Variants in SNX24 observed in about 807,000 individuals in gnomAD.
SNX24 encodes sorting nexin-24.
Under a neutral mutation model 28.7 loss-of-function variants are expected in SNX24, and 22 were observed. That is an observed-to-expected ratio of 0.77 (90% CI 0.55 to 1.10). The LOEUF (loss-of-function observed/expected upper bound fraction) is 1.10, where lower values mean the gene tolerates loss of function less well. Ranked by LOEUF, SNX24 falls within the 50% of genes least tolerant of loss-of-function variation. The pLI, the probability that SNX24 is intolerant of heterozygous loss-of-function variation, is 0.00. For missense variants in SNX24, 221 were observed against 201.1 expected, an observed-to-expected ratio of 1.10 and a Z score of -0.60; for synonymous variants, 69 against 71.5, an observed-to-expected ratio of 0.96 and a Z score of 0.18.
intron 1 of SNX24, among the ~76,000 whole-genome samples, chr5:122,895,522 C>T (rs1437679368): frequency 6.6e-6 from 1 of 152,112 alleles, no homozygotes; most frequent in African/African-American, 2.4e-5. Context: ...AGCAGAGGCA[C>T]ATCGGCACTG....
intron 1 of SNX24, among the ~76,000 whole-genome samples, chr5:122,897,604 A>G (rs1757258919): frequency 6.6e-6 from 1 of 152,212 alleles, no homozygotes; most frequent in Non-Finnish European, 1.5e-5. Flanking sequence ...TTGTGACAAT[A>G]CAAGAATATT....
At position 122,968,120 on chromosome 5, in the gene SNX24, G is replaced by A. The variant is rs1369677134; in HGVS notation, c.249+21961G>A. Among the ~76,000 whole-genome samples the A allele has an allele frequency of 5.9e-5, 9 of 152,168 alleles. No homozygotes were observed. The South Asian group carries it at 6.2e-4, about 11-fold the overall frequency. Reference sequence around the variant, plus strand: ...TCCCTTAAAACTTGATTGGGAGGCCGAGGCAGGCAGATCACCTGAGGTCAG... The same window carrying A: ...TCCCTTAAAACTTGATTGGGAGGCCAAGGCAGGCAGATCACCTGAGGTCAG... On this transcript the variant is annotated intron_variant, in intron 3 of 6. Coordinates refer to ENST00000261369, the MANE Select transcript of SNX24 (RefSeq NM_014035.4).
At chr5:122,873,439 A>G (rs1012246172) in intron 1 of SNX24, among the ~76,000 whole-genome samples, 1 of 152,040 alleles carries the variant, frequency 6.6e-6, no homozygotes, top group Non-Finnish European at 1.5e-5. Context: ...CTCAGAGTTT[A>G]TGTGATTTGC....
intron 1 of SNX24, among the ~76,000 whole-genome samples, chr5:122,903,027 C>G (rs190303243): frequency 4.3e-4 from 66 of 152,290 alleles, no homozygotes; most frequent in African/African-American, 1.5e-3. Flanking sequence ...AACTCAGTAC[C>G]CCACTCAGAA....
chr5:122,858,172 C>T (rs1755294762), intron 1 of SNX24, among the ~76,000 whole-genome samples: 1 of 152,168 alleles, frequency 6.6e-6, no homozygotes, highest in African/African-American at 2.4e-5. Context: ...ATGGGTGTAG[C>T]TTGTGGAACT....
intron 1 of SNX24, among the ~76,000 whole-genome samples, chr5:122,927,735 T>A (rs1758765155): frequency 6.6e-6 from 1 of 152,206 alleles, no homozygotes; most frequent in East Asian, 1.9e-4. Flanking sequence ...TTGACTTCTG[T>A]TTCTAGGTGA....
In SNX24 at chr5:123,009,008, G is replaced by A; in HGVS notation, c.*1259G>A. ...ATAACTACATCATGGTTTTTGATTAGGATCTAAATATTCAGGTTTTAAGCC... is the reference window on the plus strand; with the variant it reads ...ATAACTACATCATGGTTTTTGATTAAGATCTAAATATTCAGGTTTTAAGCC... On this transcript the variant is annotated 3_prime_UTR_variant, in exon 7 of 7. Coordinates refer to ENST00000261369, the MANE Select transcript of SNX24 (RefSeq NM_014035.4). 1.0e-6 allele frequency: 1 copy of A among 985,670 alleles called. No homozygotes were observed. Among genetic ancestry groups the A allele is most frequent in the Non-Finnish European group, 1.2e-6 (1 of 829,788 alleles). 61.1% of individuals were successfully genotyped at this position (985,670 alleles called of 1,614,324 possible).
intron 5 of SNX24, among the ~76,000 whole-genome samples, chr5:123,026,471 C>A (rs1762855817): frequency 6.6e-6 from 1 of 152,208 alleles, no homozygotes; most frequent in African/African-American, 2.4e-5. Context: ...CATAACAACC[C>A]TGAAGAGTAG....
At chr5:122,927,142 A>C (rs923728767) in intron 1 of SNX24, among the ~76,000 whole-genome samples, 8 of 152,212 alleles carry the variant, frequency 5.3e-5, no homozygotes, top group African/African-American at 1.9e-4. Context: ...CCTATGTGAT[A>C]GGTGCCATTA....
chr5:122,982,299 T>C (rs3776181), intron 3 of SNX24, among the ~76,000 whole-genome samples: 19,831 of 152,192 alleles, frequency 0.13, 1,594 homozygotes, highest in East Asian at 0.36. Context: ...TTTTGAGCAG[T>C]TCTTTGAACA....
At chr5:123,026,119 GGGAA>G in intron 5 of SNX24, 2 of 673,836 alleles carry the variant, frequency 3.0e-6, no homozygotes, top group Non-Finnish European at 4.8e-6. Flanking sequence ...ACATGAAGGA[GGGAA>G]TAAAATTAAC....
At chr5:122,867,563 A>C (rs1755776830) in intron 1 of SNX24, among the ~76,000 whole-genome samples, 1 of 152,058 alleles carries the variant, frequency 6.6e-6, no homozygotes, top group African/African-American at 2.4e-5. Flanking sequence ...GGCTTTGGTG[A>C]GTGGAAGTCC....
intron 5 of SNX24, among the ~76,000 whole-genome samples, chr5:123,028,336 G>A (rs995140910): frequency 2.6e-5 from 4 of 152,162 alleles, no homozygotes; most frequent in Admixed American, 6.5e-5. Flanking sequence ...AGGAAAGTGC[G>A]CTGTGACCCT....
chr5:122,941,086 A>G (rs1264804482), intron 2 of SNX24, among the ~76,000 whole-genome samples: 2 of 152,184 alleles, frequency 1.3e-5, no homozygotes, highest in East Asian at 3.8e-4. Flanking sequence ...ATTCATGCAG[A>G]TAAGTACCAG....
At chr5:122,958,274 A>G (rs1406860804) in intron 3 of SNX24, among the ~76,000 whole-genome samples, 1 of 151,454 alleles carries the variant, frequency 6.6e-6, no homozygotes, top group Non-Finnish European at 1.5e-5. Flanking sequence ...TTTTTTTGAG[A>G]CAGAGTTTCA....
intron 1 of SNX24, among the ~76,000 whole-genome samples, chr5:122,847,502 C>CTTTTTTTTTTTTTTT (rs1183386656): frequency 2.3e-5 from 3 of 130,798 alleles, no homozygotes; most frequent in African/African-American, 8.8e-5. Flanking sequence ...CTCTCTCTCT[C>CTTTTTTTTTTTTTTT]TTTTTTTTTT....
intron 1 of SNX24, among the ~76,000 whole-genome samples, chr5:122,922,103 CT>C (rs1305199388): frequency 6.6e-6 from 1 of 152,126 alleles, no homozygotes; most frequent in African/African-American, 2.4e-5. Flanking sequence ...CTCTGAAAAT[CT>C]TTGACACTGA....
intron 1 of SNX24, among the ~76,000 whole-genome samples, chr5:122,912,847 G>T (rs959780363): frequency 6.6e-6 from 1 of 151,808 alleles, no homozygotes; most frequent in Non-Finnish European, 1.5e-5. Context: ...GTGAACAAAG[G>T]TCTCTGGTTT....
intron 1 of SNX24, among the ~76,000 whole-genome samples, chr5:122,921,386 C>G (rs545604179): frequency 1.3e-5 from 2 of 152,146 alleles, no homozygotes; most frequent in African/African-American, 2.4e-5. Context: ...AGGCACTAAT[C>G]GTGGTTGGAG....
Sources: gnomAD v4.1 joint callset for allele counts (sites outside exome capture counted in the v4.1 genomes callset) on GRCh38, gnomAD v4.1.1 for gene constraint, MANE v1.5 for transcripts, NCBI Gene and HGNC (gene_info 2026-07-23, HGNC 2026-07-21) for gene names.